CCNP: variants seen among roughly 807,000 people sequenced by gnomAD.
The protein encoded by CCNP is cyclin-P.
A neutral mutation model predicts 19.6 loss-of-function variants in CCNP; 18 were observed. That is an observed-to-expected ratio of 0.92 (90% CI 0.64 to 1.36). The LOEUF (loss-of-function observed/expected upper bound fraction) is 1.36, where lower values mean the gene tolerates loss of function less well. Among genes scored for constraint, CCNP ranks in the 40% most tolerant of loss-of-function variants. CCNP has a pLI of 0.00. For missense variants in CCNP, 440 were observed against 424.4 expected (o/e 1.04, Z -0.32); for synonymous variants, 228 against 194.9 (o/e 1.17, Z -1.41).
At position 40,223,019 on chromosome 19, in the gene CCNP, C is replaced by T; in HGVS notation, c.*33G>A. 1 of 1,310,586 alleles carries T rather than the reference C, an allele frequency of 7.6e-7. No homozygotes were observed. Among genetic ancestry groups the T allele is most frequent in the African/African-American group, 1.5e-5 (1 of 67,630 alleles). The allele number at this position is 1,310,586 out of a possible 1,614,324, so 81.2% of individuals were successfully genotyped here. On this transcript the variant is annotated 3_prime_UTR_variant, in exon 5 of 5. Transcript: ENST00000430325. ...CCTCCCACCCCATTCTCTCCCACAC[C>T]CAGAAAAATCAAGTCTAGGTGCCAC...
intron 1 of CCNP, 129 bp from the exon 2 acceptor site, chr19:40,224,940 C>T: frequency 2.6e-6 from 2 of 777,094 alleles, no homozygotes; most frequent in African/African-American, 1.7e-5. Flanking sequence ...CCAAACTGGC[C>T]TCCAAATGAG....
In CCNP at chr19:40,222,934, G is replaced by C. The variant is rs1177507221; in HGVS notation, c.*118C>G. 1 of 628,068 alleles carries C rather than the reference G, an allele frequency of 1.6e-6. No homozygotes were observed. Among genetic ancestry groups the C allele is most frequent in the Non-Finnish European group, 2.8e-6 (1 of 360,384 alleles). 38.9% of individuals were successfully genotyped at this position (628,068 alleles called of 1,614,324 possible). On this transcript the variant is annotated 3_prime_UTR_variant, in exon 5 of 5. Coordinates refer to ENST00000430325, the MANE Select transcript of CCNP (RefSeq NM_024877.4). Reference sequence around the variant, plus strand: ...GGCAATAGGAGCATCTTCTGGGCCTGGGAGACTATCTTCCACTCTGGGGCA... The same window carrying C: ...GGCAATAGGAGCATCTTCTGGGCCTCGGAGACTATCTTCCACTCTGGGGCA...
rs534784104 is a variant in CCNP at position 40,223,564 on chromosome 19, G to A, written c.514-18C>T. On this transcript the variant is annotated intron_variant, in intron 3 of 4. Transcript: ENST00000430325. ...AAGGCGGGCTGCAGATGGGGGATGC[G>A]GGGGGAGGTGAAGGAGTCTTGGATC... 7.9e-5 allele frequency: 126 copies of A among 1,596,230 alleles called. No homozygotes were observed. The highest frequency in any genetic ancestry group is 3.4e-4 in the Admixed American group (20 of 58,514).
At chr19:40,224,264 A>T (rs1211482643) in intron 3 of CCNP, among the ~76,000 whole-genome samples, 1 of 152,188 alleles carries the variant, frequency 6.6e-6, no homozygotes, top group Non-Finnish European at 1.5e-5. Context: ...CTTAAGACAG[A>T]CTATTCTAGA....
Position 40,224,604 on chromosome 19 carries a change from C to T in CCNP, c.397G>A (p.Val133Ile), listed in dbSNP as rs1176592638. ...GLAGDTLYLAVHLLDSYLSAG... is the reference protein window; with the variant it reads ...GLAGDTLYLAIHLLDSYLSAG... ...CTCAGGTAGGAATCAAGCAGGTGAA[C>T]CGCCAGATAAAGTGTGTCACCAGCC... Residue 133 changes from valine to isoleucine, a missense_variant, in exon 3 of 5, where the codon GTT (valine) becomes ATT (isoleucine). Transcript: ENST00000430325. 3.1e-6 allele frequency: 5 copies of T among 1,614,090 alleles called. No homozygotes were observed. In the African/African-American group the frequency reaches 4.0e-5, roughly 13 times the overall value.
At position 40,223,155 on chromosome 19, in the gene CCNP, TA is replaced by T. The variant is rs1249179876; in HGVS notation, c.820del (p.Tyr274ThrfsTer30). On this transcript the variant is annotated frameshift_variant, in exon 5 of 5. Coordinates refer to ENST00000430325, the MANE Select transcript of CCNP (RefSeq NM_024877.4). LOFTEE classifies it low-confidence loss of function (END_TRUNC). Reference protein sequence around the residue: ...GAGSRLQPELYRCSLGGGSVW... With the variant: ...GAGSRLQPELXRCSLGGGSVW... ...ACTTCCTCCGCCAAGACTACACCTG[TA>T]AAGTTCTGGCTGGAGCCTGGAGCCC... 1.3e-6 allele frequency: 2 copies of T among 1,551,352 alleles called. No individual in the cohort carries two copies. The highest frequency in any genetic ancestry group is 1.7e-6 in the Non-Finnish European group (2 of 1,146,938).
At position 40,226,600 on chromosome 19, in the gene CCNP, G is replaced by A. The variant is rs1157742104; in HGVS notation, c.42C>T (p.Leu14=). The A allele has an allele frequency of 1.3e-6, 2 of 1,576,578 alleles. No individual in the cohort carries two copies. The highest frequency in any genetic ancestry group is 1.7e-6 in the Non-Finnish European group (2 of 1,162,906). Residue 14 remains leucine (L), a synonymous_variant, in exon 1 of 5, where the codon CTC becomes CTT. Coordinates refer to ENST00000430325, the MANE Select transcript of CCNP (RefSeq NM_024877.4). ...RGRDQGSGSR[L]GPIVRRWAPR... is the part of the protein sequence containing the mutation. ...GGGCCCAGCGCCTAACGATAGGCCC[G>A]AGCCGGGAGCCGGACCCCTGGTCCC...
In CCNP at chr19:40,226,652, G is replaced by T; in HGVS notation, c.-11C>A. The T allele has an allele frequency of 6.4e-7, 1 of 1,555,460 alleles. No homozygotes were observed. Among genetic ancestry groups the T allele is most frequent in the Non-Finnish European group, 8.7e-7 (1 of 1,153,786 alleles). On this transcript the variant is annotated 5_prime_UTR_variant, in exon 1 of 5. Transcript: ENST00000430325. ...GCCTCTCACCAGCATCCTCCAGGAGGGTGTTGCGGGCGAGGCCAAGCACCG... is the reference window on the plus strand; with the variant it reads ...GCCTCTCACCAGCATCCTCCAGGAGTGTGTTGCGGGCGAGGCCAAGCACCG...
chr19:40,223,594 C>G, intron 3 of CCNP, 48 bp from the exon 4 acceptor site: 2 of 1,601,420 alleles, frequency 1.2e-6, no homozygotes, highest in Admixed American at 1.7e-5. Flanking sequence ...TGGATCCGGG[C>G]TCTTTACTCC....
Position 40,223,490 on chromosome 19 carries a change from G to T in CCNP, c.570C>A (p.Arg190=), listed in dbSNP as rs746111929. The T allele has an allele frequency of 3.1e-6, 5 of 1,610,398 alleles. No individual in the cohort carries two copies. The highest frequency in any genetic ancestry group is 4.2e-6 in the Non-Finnish European group (5 of 1,177,592). ...ADSFSRAELL[R]AERRILSRLD... ...GGCGGCTCAGGATGCGACGCTCGGCGCGCAGCAGCTCCGCCCGTGAGAAGG... is the reference window on the plus strand; with the variant it reads ...GGCGGCTCAGGATGCGACGCTCGGCTCGCAGCAGCTCCGCCCGTGAGAAGG... Residue 190 remains arginine, a synonymous_variant, in exon 4 of 5, where the codon CGC becomes CGA. Coordinates refer to ENST00000430325, the MANE Select transcript of CCNP (RefSeq NM_024877.4).
In CCNP at chr19:40,224,764, C is replaced by T. The variant is rs777835270; in HGVS notation, c.315G>A (p.Pro105=). 86 of 1,562,620 alleles carry T rather than the reference C, an allele frequency of 5.5e-5. No individual in the cohort carries two copies. The highest frequency in any genetic ancestry group is 7.4e-5 in the Non-Finnish European group (85 of 1,153,620). ...PLRALPRAVT[P]EMRALVVDWL... ...AGTCTACCACCAGGGCGCGCATCTC[C>T]GGGGTCACAGCGCGGGGCAGGGCTC... Residue 105 remains proline, a synonymous_variant, in exon 2 of 5, where the codon CCG becomes CCA. Coordinates refer to ENST00000430325, the MANE Select transcript of CCNP (RefSeq NM_024877.4).
At position 40,223,412 on chromosome 19, in the gene CCNP, G is replaced by C. The variant is rs759938170; in HGVS notation, c.648C>G (p.Ala216=). 1 of 1,582,528 alleles carries C rather than the reference G, an allele frequency of 6.3e-7. No individual in the cohort carries two copies. The highest frequency in any genetic ancestry group is 2.3e-5 in the East Asian group (1 of 43,738). The change falls in exon 4 of 5, where the codon GCC becomes GCG. Residue 216 remains alanine (A), a synonymous_variant. Coordinates refer to ENST00000430325, the MANE Select transcript of CCNP (RefSeq NM_024877.4). ...PGPLLCLGLL[A]ALAGSSPQVM... is the part of the protein sequence containing the mutation. ...CCTGGGGGCTGCTCCCTGCCAGCGC[G>C]GCCAGCAGCCCGAGGCACAGCAGCG...
intron 1 of CCNP, 102 bp from the exon 2 acceptor site, chr19:40,224,913 T>G (rs775645389): frequency 2.8e-5 from 29 of 1,044,108 alleles, no homozygotes; most frequent in Non-Finnish European, 3.8e-5. Flanking sequence ...CAGTTGGACA[T>G]CTTAGGCATG....
intron 1 of CCNP, among the ~76,000 whole-genome samples, chr19:40,225,172 G>A (rs1291709081): frequency 2.6e-5 from 4 of 151,386 alleles, no homozygotes; most frequent in East Asian, 1.9e-4. Flanking sequence ...CGATTCTCCC[G>A]CCTCAGCCTC....
At chr19:40,225,674 T>C (rs1973529499) in intron 1 of CCNP, among the ~76,000 whole-genome samples, 1 of 152,240 alleles carries the variant, frequency 6.6e-6, no homozygotes, top group African/African-American at 2.4e-5. Flanking sequence ...AGCCCCTTAC[T>C]CGACCTTTCC....
rs1257613884 is a variant in CCNP, at chr19:40,226,523, G to A, written c.119C>T (p.Ser40Leu). ...SLAASLDAEPSSAAVPDGFPA... is the reference protein window; with the variant it reads ...SLAASLDAEPLSAAVPDGFPA... ...GAAGCCGTCGGGGACTGCGGCGCTTGAAGGCTCTGCGTCGAGGGAGGCAGC... is the reference window on the plus strand; with the variant it reads ...GAAGCCGTCGGGGACTGCGGCGCTTAAAGGCTCTGCGTCGAGGGAGGCAGC... The change falls in exon 1 of 5, where the codon TCA (serine) becomes TTA (leucine). Residue 40 changes from serine (S) to leucine (L), a missense_variant. By Grantham distance (145) the Ser-to-Leu change is moderately radical. Coordinates refer to ENST00000430325, the MANE Select transcript of CCNP (RefSeq NM_024877.4). 1 of 1,594,420 alleles carries A rather than the reference G, an allele frequency of 6.3e-7. No homozygotes were observed. The highest frequency in any genetic ancestry group is 8.5e-7 in the Non-Finnish European group (1 of 1,171,948).
At position 40,223,301 on chromosome 19, in the gene CCNP, C is replaced by T. The variant is rs1312891967; in HGVS notation, c.675G>A (p.Val225=). The T allele has an allele frequency of 5.3e-6, 8 of 1,519,672 alleles. No homozygotes were observed. The South Asian group carries it at 7.4e-5, about 14-fold the overall frequency. 94.1% of individuals were successfully genotyped at this position (1,519,672 alleles called of 1,614,324 possible). The part of the protein sequence containing the change: ...LAALAGSSPQ[V]MLLATYFLEL... ...CCAGGAAGTAGGTGGCAAGTAACAT[C>T]ACCTGCAAGTGAGGCGGGGCGACTG... The change falls in exon 5 of 5, where the codon GTG becomes GTA. Residue 225 remains valine, a splice_region_variant and synonymous_variant. Coordinates refer to ENST00000430325, the MANE Select transcript of CCNP (RefSeq NM_024877.4).
Position 40,226,682 on chromosome 19 carries a change from T to C in CCNP, c.-41A>G, listed in dbSNP as rs1973547734. On this transcript the variant is annotated 5_prime_UTR_variant, in exon 1 of 5. Coordinates refer to ENST00000430325, the MANE Select transcript of CCNP (RefSeq NM_024877.4). ...TGCGGGCGAGGCCAAGCACCGACCC[T>C]TGCAGCTAGGGGAAGAGACGCGCGG... 2 of 1,495,582 alleles carry C rather than the reference T, an allele frequency of 1.3e-6. No homozygotes were observed. The highest frequency in any genetic ancestry group is 1.3e-5 in the South Asian group (1 of 75,072). The allele number at this position is 1,495,582 out of a possible 1,614,324, so 92.6% of individuals were successfully genotyped here.
At chr19:40,225,062 C>CTTTT in intron 1 of CCNP, 17 of 372,978 alleles carry the variant, frequency 4.6e-5, no homozygotes, top group Middle Eastern at 7.1e-4. Context: ...CCAGACTTCA[C>CTTTT]TTTTTTTTTT....
Sources: gnomAD v4.1 joint callset for allele counts (sites outside exome capture counted in the v4.1 genomes callset) on GRCh38, gnomAD v4.1.1 for gene constraint, MANE v1.5 for transcripts, NCBI Gene and HGNC (gene_info 2026-07-23, HGNC 2026-07-21) for gene names.